The following EVX1 variants were observed in gnomAD, a reference collection of about 807,000 sequenced individuals.
EVX1 encodes the protein even-skipped homeobox 1, also known as homeobox even-skipped homolog protein 1.
A neutral mutation model predicts 28.6 loss-of-function variants in EVX1; 19 were observed. The ratio of observed to expected loss-of-function variants is 0.67; its 90% CI spans 0.46 to 0.98. The LOEUF (loss-of-function observed/expected upper bound fraction) is 0.98, where lower values mean the gene tolerates loss of function less well. Among genes scored for constraint, EVX1 ranks in the 50% least tolerant of loss-of-function variants. The pLI, the probability that EVX1 is intolerant of heterozygous loss-of-function variation, is 0.00. For missense variants in EVX1, 660 were observed against 583.0 expected (o/e 1.13, Z -1.36); for synonymous variants, 324 against 278.2 (o/e 1.16, Z -1.64).
At chr7:27,243,710 T>C (rs1236387038) in intron 1 of EVX1, 4 of 436,820 alleles carry the variant, frequency 9.2e-6, no homozygotes, top group Admixed American at 4.2e-5. Flanking sequence ...ACTTGGGGGA[T>C]TCGAAGCTCA....
intron 1 of EVX1, chr7:27,244,608 C>A: frequency 1.9e-6 from 1 of 531,028 alleles, no homozygotes. Context: ...TCTGGCAGCC[C>A]GTCACACATA....
intron 1 of EVX1, among the ~76,000 whole-genome samples, chr7:27,244,179 GA>G (rs1783105169): frequency 6.6e-6 from 1 of 152,242 alleles, no homozygotes; most frequent in African/African-American, 2.4e-5. Context: ...GGTTTAACTG[GA>G]GAACCCCTCC....
rs554604372 is a variant in EVX1 at position 27,245,650 on chromosome 7, C to G, written c.685-236C>G. On this transcript the variant is annotated intron_variant, in intron 2 of 2. Transcript: ENST00000496902. ...ATACACACACTGGCCTCTGGCACCCCGGGGGCCTGGCCACCTGGGCAGAAG... is the reference window on the plus strand; with the variant it reads ...ATACACACACTGGCCTCTGGCACCCGGGGGGCCTGGCCACCTGGGCAGAAG... Among the ~76,000 whole-genome samples the G allele has an allele frequency of 1.9e-3, 286 of 152,230 alleles. 2 individuals carry two copies. The highest frequency in any genetic ancestry group is 6.8e-3 in the Middle Eastern group (2 of 294).
rs570167811 is a variant in EVX1 at position 27,246,701 on chromosome 7, C to T, written c.*276C>T. On this transcript the variant is annotated 3_prime_UTR_variant, in exon 3 of 3. Transcript: ENST00000496902. ...AGCCTCCGGACCCACCGCCCCCCAC[C>T]AGGGTCGAGGCTGTAGCTCCAAAGC... 2.0e-5 allele frequency: 10 copies of T among 492,088 alleles called. No individual in the cohort carries two copies. Among genetic ancestry groups the T allele is most frequent in the South Asian group, 1.9e-4 (7 of 36,658 alleles). 30.5% of individuals were successfully genotyped at this position (492,088 alleles called of 1,614,324 possible).
intron 1 of EVX1, 61 bp downstream of exon 1, chr7:27,243,518 C>T: frequency 9.3e-6 from 14 of 1,512,504 alleles, no homozygotes; most frequent in Non-Finnish European, 1.2e-5. Flanking sequence ...CACTTCGGCG[C>T]AGGCCAGGAG....
intron 1 of EVX1, 148 bp downstream of exon 1, chr7:27,243,605 G>C: frequency 1.2e-6 from 1 of 858,264 alleles, no homozygotes; most frequent in Non-Finnish European, 1.7e-6. Flanking sequence ...CTGCGTTCTG[G>C]CGGGGGTCTC....
chr7:27,246,358 C>T lies in EVX1; in HGVS notation c.1157C>T (p.Pro386Leu). 1 of 1,603,060 alleles carries T rather than the reference C, an allele frequency of 6.2e-7. No homozygotes were observed. Among genetic ancestry groups the T allele is most frequent in the Non-Finnish European group, 8.5e-7 (1 of 1,178,898 alleles). ...TCGGACTCCTTCCTCACCTTCGCGC[C>T]CTCGGTGCTCAGCAAGGCCTCCTCC... ...SRSDSFLTFA[P>L]SVLSKASSVA... The change falls in exon 3 of 3, where the codon CCC becomes CTC. Residue 386 changes from proline to leucine, a missense_variant. By Grantham distance (98) the Pro-to-Leu change is moderately conservative. Transcript: ENST00000496902.
chr7:27,244,154 G>C (rs1286317570), intron 1 of EVX1, among the ~76,000 whole-genome samples: 1 of 152,364 alleles, frequency 6.6e-6, no homozygotes, highest in East Asian at 1.9e-4. Context: ...TCAGAGGTAG[G>C]CCCAAAGGGG....
At chr7:27,244,534 C>T in intron 1 of EVX1, 1 of 983,320 alleles carries the variant, frequency 1.0e-6, no homozygotes. Context: ...AAATAAGATA[C>T]TCAACATGCA....
Position 27,246,362 on chromosome 7 carries a change from G to T in EVX1, c.1161G>T (p.Ser387=). The T allele has an allele frequency of 6.2e-7, 1 of 1,602,704 alleles. No homozygotes were observed. Among genetic ancestry groups the T allele is most frequent in the Non-Finnish European group, 8.5e-7 (1 of 1,178,682 alleles). Residue 387 remains serine, a synonymous_variant, in exon 3 of 3, where the codon TCG becomes TCT. Transcript: ENST00000496902. The part of the protein sequence containing the change: ...RSDSFLTFAP[S]VLSKASSVAL... Reference sequence around the variant, plus strand: ...ACTCCTTCCTCACCTTCGCGCCCTCGGTGCTCAGCAAGGCCTCCTCCGTCG... The same window carrying T: ...ACTCCTTCCTCACCTTCGCGCCCTCTGTGCTCAGCAAGGCCTCCTCCGTCG...
At position 27,246,970 on chromosome 7, in the gene EVX1, G is replaced by A. The variant is rs1285507325; in HGVS notation, c.*545G>A. Reference sequence around the variant, plus strand: ...GTGGATGGCAACATACCAGTCATTTGGAGGAGAGAGTGAGAGATGATTTAC... The same window carrying A: ...GTGGATGGCAACATACCAGTCATTTAGAGGAGAGAGTGAGAGATGATTTAC... On this transcript the variant is annotated 3_prime_UTR_variant, in exon 3 of 3. Transcript: ENST00000496902. 3 of 155,852 alleles carry A rather than the reference G, an allele frequency of 1.9e-5. No individual in the cohort carries two copies. The highest frequency in any genetic ancestry group is 7.2e-5 in the African/African-American group (3 of 41,480). The allele number at this position is 155,852 out of a possible 1,614,324, so 9.7% of individuals were successfully genotyped here.
chr7:27,243,294 G>A lies in EVX1; in HGVS notation c.264G>A (p.Gly88=). ...CGGGCGCCGAGCCCCAGGTAGCTGG[G>A]GCGGCCATGCTCGGCCCAGGACCCC... ...AGPGAEPQVA[G]AAMLGPGPPA... Residue 88 remains glycine (G), a synonymous_variant, in exon 1 of 3, where the codon GGG becomes GGA. Transcript: ENST00000496902. The A allele has an allele frequency of 6.4e-7, 1 of 1,557,514 alleles. No individual in the cohort carries two copies.
Position 27,246,267 on chromosome 7 carries a change from C to T in EVX1, c.1066C>T (p.Pro356Ser). 6.4e-7 allele frequency: 1 copy of T among 1,564,164 alleles called. No individual in the cohort carries two copies. The highest frequency in any genetic ancestry group is 8.6e-7 in the Non-Finnish European group (1 of 1,162,914). The change falls in exon 3 of 3, where the codon CCG becomes TCG. Residue 356 changes from proline (P) to serine (S), a missense_variant. Physicochemically the swap from Pro to Ser is moderately conservative, Grantham distance 74. Around this residue, in one of 3 missense-constraint regions of EVX1, gnomAD observed 299 missense variants for 241.3 expected, o/e 1.24. Transcript: ENST00000496902. ...PCSCLACHSG[P>S]ANGLAPRAAA... ...CTCCTGCCTCGCCTGTCACAGCGGC[C>T]CGGCCAACGGGCTGGCGCCCCGGGC...
In EVX1 at chr7:27,246,431, C is replaced by A; in HGVS notation, c.*6C>A. 6.3e-7 allele frequency: 1 copy of A among 1,588,604 alleles called. No homozygotes were observed. The highest frequency in any genetic ancestry group is 8.5e-7 in the Non-Finnish European group (1 of 1,174,184). The stretch of plus-strand genomic sequence containing the variant: ...AGGTGCCCCTCACTAGATAAGGGGC[C>A]GCCGGCTGGCTGCCGGCTCCATGAC... On this transcript the variant is annotated 3_prime_UTR_variant, in exon 3 of 3. Coordinates refer to ENST00000496902, the MANE Select transcript of EVX1 (RefSeq NM_001989.5).
At chr7:27,243,535 A>G in intron 1 of EVX1, 78 bp downstream of exon 1, 1 of 1,452,950 alleles carries the variant, frequency 6.9e-7, no homozygotes. Flanking sequence ...GGAGGAAGAC[A>G]CTCCCTTCCC....
intron 2 of EVX1, 44 bp from the exon 3 acceptor site, chr7:27,245,842 C>T (rs1219520656): frequency 1.9e-6 from 3 of 1,587,166 alleles, no homozygotes; most frequent in Non-Finnish European, 2.6e-6. Context: ...CTCTGAGCAT[C>T]GGGCCAAGTC....
At chr7:27,244,766 CCAGGG>C (rs1482997573) in intron 1 of EVX1, among the ~76,000 whole-genome samples, 1 of 152,212 alleles carries the variant, frequency 6.6e-6, no homozygotes, top group African/African-American at 2.4e-5. Context: ...CACCTATGCT[CCAGGG>C]CAGGTGGGAA....
intron 1 of EVX1, chr7:27,244,527 T>C (rs987785364): frequency 3.0e-6 from 3 of 987,536 alleles, no homozygotes; most frequent in South Asian, 9.3e-5. Flanking sequence ...AGGTAATAAA[T>C]AAGATACTCA....
At chr7:27,244,271 G>C (rs1407429924) in intron 1 of EVX1, among the ~76,000 whole-genome samples, 1 of 152,050 alleles carries the variant, frequency 6.6e-6, no homozygotes, top group African/African-American at 2.4e-5. Flanking sequence ...CCCAGAAGGG[G>C]GTAGAAAACT....
Sources: gnomAD v4.1 joint callset for allele counts (sites outside exome capture counted in the v4.1 genomes callset) on GRCh38, gnomAD v4.1.1 for gene constraint, gnomAD v4.1.1 regional missense constraint, MANE v1.5 for transcripts, NCBI Gene and HGNC (gene_info 2026-07-23, HGNC 2026-07-21) for gene names.